The following KAZN variants were observed in gnomAD, a reference collection of about 807,000 sequenced individuals.
KAZN encodes the protein kazrin.
KAZN carries 40 observed loss-of-function variants against 87.4 expected under a neutral mutation model. The observed-to-expected ratio is 0.46, with a 90% CI of 0.36 to 0.60. The LOEUF is 0.60. Among genes scored for constraint, KAZN ranks in the 20% least tolerant of loss-of-function variants. The pLI is 0.00. For missense variants in KAZN, 898 were observed against 1,073.9 expected (o/e 0.84, Z 2.29); for synonymous variants, 466 against 458.3 (o/e 1.02, Z -0.22).
intron 1 of KAZN, among the ~76,000 whole-genome samples, chr1:14,119,426 G>A (rs1389268789): frequency 2.0e-5 from 3 of 152,188 alleles, no homozygotes; most frequent in Non-Finnish European, 4.4e-5. Context: ...GTTTGCAGCT[G>A]CTCAGGTGTG....
intron 2 of KAZN, among the ~76,000 whole-genome samples, chr1:14,253,121 G>GAA (rs57180691): frequency 6.5e-5 from 8 of 122,338 alleles, no homozygotes; most frequent in African/African-American, 1.1e-4. Context: ...AGAAAAAAGA[G>GAA]AAAAAAAAAA....
intron 2 of KAZN, among the ~76,000 whole-genome samples, chr1:14,542,947 G>C (rs1672902632): frequency 6.7e-6 from 1 of 148,806 alleles, no homozygotes; most frequent in African/African-American, 2.5e-5. Context: ...CCTGCTCTTG[G>C]GTATGGAAAA....
chr1:13,954,137 G>A (rs544818511), intron 1 of KAZN, among the ~76,000 whole-genome samples: 75 of 152,290 alleles, frequency 4.9e-4, no homozygotes, highest in African/African-American at 1.7e-3. Flanking sequence ...CCAGGAGGCG[G>A]AGGTCGCAGT....
chr1:14,145,605 G>A (rs965324459), intron 1 of KAZN, among the ~76,000 whole-genome samples: 20 of 150,212 alleles, frequency 1.3e-4, no homozygotes, highest in African/African-American at 4.4e-4. Flanking sequence ...TTTTGAGACA[G>A]AGTTTTGCTC....
intron 1 of KAZN, among the ~76,000 whole-genome samples, chr1:14,939,982 C>G (rs1660867301): frequency 6.6e-6 from 1 of 152,182 alleles, no homozygotes; most frequent in Admixed American, 6.5e-5. Context: ...TCATCCCACC[C>G]AGGGAGGGGT....
chr1:14,586,252 CAG>C (rs1675839768), intron 2 of KAZN, among the ~76,000 whole-genome samples: 1 of 152,190 alleles, frequency 6.6e-6, no homozygotes, highest in African/African-American at 2.4e-5. Context: ...CTTTTCAAAA[CAG>C]AGTGATCAGA....
intron 1 of KAZN, among the ~76,000 whole-genome samples, chr1:14,881,862 G>T (rs1338844662): frequency 6.6e-6 from 1 of 152,184 alleles, no homozygotes; most frequent in South Asian, 2.1e-4. Flanking sequence ...ACAAATGTAG[G>T]TGCTGCTGGC....
At chr1:14,288,470 G>A (rs192359119) in intron 2 of KAZN, among the ~76,000 whole-genome samples, 1 of 152,300 alleles carries the variant, frequency 6.6e-6, no homozygotes, top group Non-Finnish European at 1.5e-5. Context: ...TTGCCTAGAG[G>A]TGTTTATAGT....
Position 14,949,155 on chromosome 1 carries a change from AAATAAT to A in KAZN, c.227-11499_227-11494del, listed in dbSNP as rs3039717. Among the ~76,000 whole-genome samples the A allele has an allele frequency of 0.016, 2,251 of 143,852 alleles. 34 individuals carry two copies. Among genetic ancestry groups the A allele is most frequent in the East Asian group, 0.046 (230 of 5,014 alleles). 94.4% of individuals were successfully genotyped at this position (143,852 alleles called of 152,430 possible). ...GCAACAGAGTGAGACTCCGACTCAA[AAATAAT>A]AATAATAATAATAATAATAATAATA... On this transcript the variant is annotated intron_variant, in intron 1 of 14. Coordinates refer to ENST00000376030, the MANE Select transcript of KAZN (RefSeq NM_201628.3). This position sits in a 1 kb window ranked among gnomAD's most constrained non-coding sequence, Gnocchi z 4.3.
chr1:13,960,491 C>G (rs1557747517), intron 1 of KAZN, among the ~76,000 whole-genome samples: 2 of 152,152 alleles, frequency 1.3e-5, no homozygotes, highest in African/African-American at 4.8e-5. Flanking sequence ...CTTGCCGGGC[C>G]ACAGAGATGA....
At chr1:14,981,554 T>G (rs2101897014) in intron 2 of KAZN, among the ~76,000 whole-genome samples, 1 of 152,354 alleles carries the variant, frequency 6.6e-6, no homozygotes, top group South Asian at 2.1e-4. Flanking sequence ...ACCCCATCTC[T>G]GGGGGGTTAT....
chr1:14,060,215 T>C (rs1642736092), intron 1 of KAZN, among the ~76,000 whole-genome samples: 2 of 151,910 alleles, frequency 1.3e-5, no homozygotes, highest in Admixed American at 1.3e-4. Flanking sequence ...TACAAAAAAT[T>C]AGCTGGGCGT....
At chr1:15,074,170 TGAG>T (rs1385527777) in intron 8 of KAZN, among the ~76,000 whole-genome samples, 3 of 152,352 alleles carry the variant, frequency 2.0e-5, no homozygotes, top group Middle Eastern at 3.4e-3. Context: ...CTGTGAAATC[TGAG>T]AAGTCCCTGG....
At chr1:14,334,364 CAAAAAAAAAAAAAA>C (rs34525897) in intron 2 of KAZN, among the ~76,000 whole-genome samples, 6 of 61,380 alleles carry the variant, frequency 9.8e-5, no homozygotes, top group African/African-American at 1.5e-4. Context: ...GATTCCATCT[CAAAAAAAAAAAAAA>C]AAAAAAAAAA....
At chr1:14,637,133 G>A (rs1414775050) in intron 1 of KAZN, among the ~76,000 whole-genome samples, 7 of 152,120 alleles carry the variant, frequency 4.6e-5, no homozygotes, top group Admixed American at 4.6e-4. Context: ...TCCATACCTT[G>A]GGTGTGTAAT....
intron 2 of KAZN, among the ~76,000 whole-genome samples, chr1:14,504,544 A>C: frequency 6.6e-6 from 1 of 152,216 alleles, no homozygotes; most frequent in Non-Finnish European, 1.5e-5. Context: ...GAGTGGAAGC[A>C]GCTGATACGA....
At chr1:14,913,614 CT>C (rs555232736) in intron 1 of KAZN, among the ~76,000 whole-genome samples, 41 of 152,256 alleles carry the variant, frequency 2.7e-4, no homozygotes, top group Non-Finnish European at 3.7e-4. Flanking sequence ...GCCTTACTGT[CT>C]GGGCTTGGCC....
rs546440101 is a variant in KAZN at position 13,999,313 on chromosome 1, G to A, written c.91+105557G>A. Among the ~76,000 whole-genome samples, 74 of 151,810 alleles carry A rather than the reference G, an allele frequency of 4.9e-4. 1 individual carries two copies. The highest frequency in any genetic ancestry group is 1.6e-3 in the African/African-American group (67 of 41,380). On this transcript the variant is annotated intron_variant, in intron 1 of 16. Transcript: ENST00000636203. ...CAGTGAGCCAAGATCACGCCATTGC[G>A]CTCCAGCCTGGGTGACGGTGCAAGA...
chr1:14,308,152 A>C lies in KAZN; in HGVS notation c.249+127560A>C, dbSNP rs113634216. ...GACTAAAGGCTCTGGATTAAAGACA[A>C]TTAATTGCAATGTGTACTTTCAGGT... On this transcript the variant is annotated intron_variant, in intron 2 of 16. Transcript: ENST00000636203. Among the ~76,000 whole-genome samples the C allele has an allele frequency of 8.8e-3, 1,348 of 152,342 alleles. 24 individuals carry two copies. The highest frequency in any genetic ancestry group is 0.031 in the African/African-American group (1,291 of 41,582).
Sources: allele counts gnomAD v4.1 joint callset (sites outside exome capture counted in the v4.1 genomes callset), GRCh38; gene constraint gnomAD v4.1.1; non-coding constraint Gnocchi (gnomAD v3.1); transcripts MANE v1.5; gene names NCBI Gene and HGNC (gene_info 2026-07-23, HGNC 2026-07-21).